The following FOCAD variants were observed in gnomAD, a reference collection of about 807,000 sequenced individuals.
FOCAD encodes KIAA1797.
Under a neutral mutation model 225.6 loss-of-function variants are expected in FOCAD, and 198 were observed. The observed-to-expected ratio is 0.88, with a 90% CI of 0.78 to 0.99. The LOEUF is 0.99. FOCAD is among the 50% of genes least tolerant of loss of function. FOCAD has a pLI of 0.00. For missense variants in FOCAD, 2,713 were observed against 2,123.6 expected (o/e 1.28, Z -5.46); for synonymous variants, 897 against 755.0 (o/e 1.19, Z -3.08).
chr9:20,659,398 C>A (rs1301129222), intron 2 of FOCAD, among the ~76,000 whole-genome samples: 2 of 51,178 alleles, frequency 3.9e-5, no homozygotes, highest in African/African-American at 7.5e-5. Flanking sequence ...CAGAGTGACT[C>A]CATCTAAAAA....
At chr9:20,756,214 C>G (rs989114036) in intron 5 of FOCAD, among the ~76,000 whole-genome samples, 16 of 151,984 alleles carry the variant, frequency 1.1e-4, no homozygotes, top group African/African-American at 3.6e-4. Flanking sequence ...GGTAGCATTC[C>G]CGTCAGTCAG....
intron 2 of FOCAD, among the ~76,000 whole-genome samples, chr9:20,665,395 T>A (rs1821870435): frequency 1.3e-5 from 2 of 152,212 alleles, no homozygotes; most frequent in South Asian, 4.1e-4. Context: ...CTTTATCTTT[T>A]GTAACTAATG....
Position 20,861,179 on chromosome 9 carries a change from A to G in FOCAD, c.1921-1399A>G, listed in dbSNP as rs565262980. ...TTGAAATAGTTTAAAGTCATATCATATACCTTTTTGTTTCCAATAATTTAG... is the reference window on the plus strand; with the variant it reads ...TTGAAATAGTTTAAAGTCATATCATGTACCTTTTTGTTTCCAATAATTTAG... On this transcript the variant is annotated intron_variant, in intron 15 of 43. Coordinates refer to ENST00000338382, the MANE Select transcript of FOCAD (RefSeq NM_001375567.1). 2.0e-5 allele frequency among the ~76,000 whole-genome samples: 3 copies of G among 152,318 alleles called. No individual in the cohort carries two copies. In the East Asian group the frequency reaches 5.8e-4, roughly 29 times the overall value.
intron 21 of FOCAD, among the ~76,000 whole-genome samples, chr9:20,889,671 G>A (rs1210017065): frequency 6.6e-6 from 1 of 152,154 alleles, no homozygotes; most frequent in Non-Finnish European, 1.5e-5. Flanking sequence ...AAATCAAGTA[G>A]TATGAGTCTT....
Position 20,867,023 on chromosome 9 carries a change from C to A in FOCAD, c.2190+11C>A. 6 of 1,514,850 alleles carry A rather than the reference C, an allele frequency of 4.0e-6. No homozygotes were observed. Among genetic ancestry groups the A allele is most frequent in the Non-Finnish European group, 5.4e-6 (6 of 1,112,898 alleles). 93.8% of individuals were successfully genotyped at this position (1,514,850 alleles called of 1,614,324 possible). On this transcript the variant is annotated intron_variant, in intron 18 of 43. Coordinates refer to ENST00000338382, the MANE Select transcript of FOCAD (RefSeq NM_001375567.1). ...CATCTGCCTGAAAAGGTAGGCATAT[C>A]TGCTTTCTCACTGGTATTTCTTAAT... is the stretch of plus-strand genomic sequence containing the variant.
intron 35 of FOCAD, among the ~76,000 whole-genome samples, chr9:20,972,563 A>T (rs1839858072): frequency 2.0e-5 from 3 of 148,670 alleles, no homozygotes; most frequent in South Asian, 2.1e-4. Context: ...TCTCTTTTTC[A>T]GTTTCTAGTT....
intron 2 of FOCAD, among the ~76,000 whole-genome samples, chr9:20,663,721 G>A (rs1821810368): frequency 6.6e-6 from 1 of 152,130 alleles, no homozygotes; most frequent in African/African-American, 2.4e-5. Context: ...TCAAGCCTGA[G>A]ACTGCTTCAC....
intron 24 of FOCAD, among the ~76,000 whole-genome samples, chr9:20,921,687 G>T (rs1334504773): frequency 1.3e-5 from 2 of 152,088 alleles, no homozygotes; most frequent in Non-Finnish European, 2.9e-5. Context: ...TGTTCATTCT[G>T]CAACCAAATA....
chr9:20,716,200 GC>G, intron 2 of FOCAD: 1 of 435,684 alleles, frequency 2.3e-6, no homozygotes, highest in South Asian at 1.8e-5. Context: ...GTCATATCCT[GC>G]AGGTCCTTAC....
At chr9:20,678,079 T>G (rs1010124272) in intron 2 of FOCAD, among the ~76,000 whole-genome samples, 1 of 152,194 alleles carries the variant, frequency 6.6e-6, no homozygotes, top group African/African-American at 2.4e-5. Context: ...AAAAAGAGAC[T>G]TGAGGCAAAT....
intron 28 of FOCAD, among the ~76,000 whole-genome samples, chr9:20,943,364 C>T (rs193201393): frequency 9.1e-4 from 138 of 152,258 alleles, no homozygotes; most frequent in African/African-American, 2.7e-3. Flanking sequence ...ACTTGAGATA[C>T]GGTGCCTTCT....
chr9:20,841,273 A>G (rs964443795), intron 15 of FOCAD, among the ~76,000 whole-genome samples: 2 of 151,598 alleles, frequency 1.3e-5, no homozygotes, highest in African/African-American at 4.8e-5. Context: ...TGTGTCCCCT[A>G]TTTTTTGTAA....
chr9:20,664,822 C>A (rs1217513980), intron 2 of FOCAD, among the ~76,000 whole-genome samples: 1 of 151,882 alleles, frequency 6.6e-6, no homozygotes, highest in Non-Finnish European at 1.5e-5. Flanking sequence ...AGAGTTTATA[C>A]ATGTGTCAAA....
intron 24 of FOCAD, among the ~76,000 whole-genome samples, chr9:20,919,980 A>C (rs1435345527): frequency 7.2e-5 from 11 of 151,960 alleles, no homozygotes; most frequent in African/African-American, 2.2e-4. Context: ...ATTAAACTAA[A>C]GAGCTTCAGC....
intron 40 of FOCAD, among the ~76,000 whole-genome samples, chr9:20,987,753 G>C (rs1401353620): frequency 6.6e-6 from 1 of 152,192 alleles, no homozygotes; most frequent in African/African-American, 2.4e-5. Flanking sequence ...GAACCAGCCA[G>C]CTCTCAAATG....
intron 1 of FOCAD, among the ~76,000 whole-genome samples, chr9:20,696,353 A>G (rs1823368390): frequency 6.6e-6 from 1 of 152,180 alleles, no homozygotes; most frequent in Non-Finnish European, 1.5e-5. Context: ...CACACACACA[A>G]TGGTAACAAG....
At chr9:20,866,075 T>G in intron 17 of FOCAD, 99 bp downstream of exon 17, 5 of 1,000,906 alleles carry the variant, frequency 5.0e-6, no homozygotes, top group Non-Finnish European at 7.4e-6. Flanking sequence ...ACAACTGCCT[T>G]GAAATAATGG....
At chr9:20,808,343 G>C (rs1028198761) in intron 11 of FOCAD, among the ~76,000 whole-genome samples, 2 of 152,018 alleles carry the variant, frequency 1.3e-5, no homozygotes, top group African/African-American at 4.8e-5. Flanking sequence ...TATAGTCCTG[G>C]GTAAATACAA....
intron 18 of FOCAD, among the ~76,000 whole-genome samples, chr9:20,873,141 G>A (rs771828358): frequency 1.3e-5 from 2 of 152,060 alleles, no homozygotes; most frequent in Non-Finnish European, 2.9e-5. Context: ...TTGTATGCAA[G>A]CTTTTGCATG....
Sources: gnomAD v4.1 joint callset for allele counts (sites outside exome capture counted in the v4.1 genomes callset) on GRCh38, gnomAD v4.1.1 for gene constraint, MANE v1.5 for transcripts, NCBI Gene and HGNC (gene_info 2026-07-23, HGNC 2026-07-21) for gene names.